The following MPC1 variants were observed in gnomAD, a reference collection of about 807,000 sequenced individuals.
The protein encoded by MPC1 is HSPC040 protein.
In MPC1, 6 loss-of-function variants were observed where a neutral mutation model predicts 13.9. That is an observed-to-expected ratio of 0.43 (90% CI 0.24 to 0.85). The LOEUF is 0.85. MPC1 is among the 40% of genes least tolerant of loss of function. The pLI is 0.24. For synonymous variants in MPC1, 47 were observed against 50.5 expected (o/e 0.93, Z 0.29); for missense variants, 115 against 143.3 (o/e 0.80, Z 1.01).
At chr6:166,373,042 A>T (rs951772407) in intron 1 of MPC1, among the ~76,000 whole-genome samples, 1 of 152,162 alleles carries the variant, frequency 6.6e-6, no homozygotes, top group African/African-American at 2.4e-5. Flanking sequence ...GAACCAAAGT[A>T]CAGAAACCTT....
intron 2 of MPC1, among the ~76,000 whole-genome samples, chr6:166,368,421 G>A (rs545445934): frequency 2.0e-5 from 3 of 152,156 alleles, no homozygotes; most frequent in African/African-American, 7.2e-5. Flanking sequence ...CCAGCGTGGT[G>A]GCAGGTGACT....
At chr6:166,382,684 C>T (rs1399422218) in intron 1 of MPC1, 122 bp downstream of exon 1, 9 of 1,039,826 alleles carry the variant, frequency 8.7e-6, no homozygotes, top group Non-Finnish European at 1.2e-5. Context: ...TCGCCTGGGC[C>T]CCGGCCCACC....
intron 1 of MPC1, among the ~76,000 whole-genome samples, chr6:166,371,830 T>C (rs1238267498): frequency 6.6e-6 from 1 of 152,144 alleles, no homozygotes; most frequent in Non-Finnish European, 1.5e-5. Flanking sequence ...AATAATAAAA[T>C]AGAATAATTA....
rs1779325780 is a variant in MPC1, at chr6:166,370,209, T to C, written c.75+9A>G. 1 of 780,490 alleles carries C rather than the reference T, an allele frequency of 1.3e-6. No individual in the cohort carries two copies. Among genetic ancestry groups the C allele is most frequent in the Non-Finnish European group, 2.4e-6 (1 of 417,932 alleles). The allele number at this position is 780,490 out of a possible 1,614,324, so 48.3% of individuals were successfully genotyped here. A position where few individuals can be genotyped will look rare whatever the true frequency, so the allele number is the denominator to read the frequency against. ...AAAAGCCTGAAATGGATGGAAATAA[T>C]TTTCTTACCGTACTATTTTGTGAAG... On this transcript the variant is annotated intron_variant, in intron 2 of 4. Coordinates refer to ENST00000360961, the MANE Select transcript of MPC1 (RefSeq NM_016098.4).
intron 2 of MPC1, chr6:166,368,721 T>C (rs1779265031): frequency 1.0e-6 from 1 of 978,912 alleles, no homozygotes; most frequent in African/African-American, 1.7e-5. Context: ...TATCTCTCCC[T>C]TACCTACTTA....
At chr6:166,382,424 C>T (rs1779828708) in intron 1 of MPC1, among the ~76,000 whole-genome samples, 1 of 150,736 alleles carries the variant, frequency 6.6e-6, no homozygotes, top group South Asian at 2.1e-4. Flanking sequence ...GACTCAATGT[C>T]ACCCCTGCCT....
At chr6:166,381,949 G>T in intron 1 of MPC1, 1 of 383,710 alleles carries the variant, frequency 2.6e-6, no homozygotes, top group Non-Finnish European at 3.6e-6. Context: ...CGCACCCGAA[G>T]CTCCGCTCCA....
At chr6:166,368,059 G>A (rs1779227167) in intron 2 of MPC1, among the ~76,000 whole-genome samples, 2 of 152,210 alleles carry the variant, frequency 1.3e-5, no homozygotes. Context: ...GGTTTAACAT[G>A]TGAGTTATAA....
chr6:166,377,411 C>T (rs899638484), intron 1 of MPC1, among the ~76,000 whole-genome samples: 3 of 152,080 alleles, frequency 2.0e-5, no homozygotes, highest in African/African-American at 7.2e-5. Context: ...CAGGCTGAAC[C>T]AGGAGGAGAT....
intron 1 of MPC1, among the ~76,000 whole-genome samples, chr6:166,378,259 T>C (rs1779640346): frequency 6.6e-6 from 1 of 152,242 alleles, no homozygotes. Context: ...ACTCAGAAGT[T>C]AAAATTAATT....
chr6:166,368,877 C>A, intron 2 of MPC1: 1 of 985,610 alleles, frequency 1.0e-6, no homozygotes, highest in Non-Finnish European at 1.2e-6. Flanking sequence ...TACTCTCTTG[C>A]CACTCCTCTG....
At chr6:166,381,919 T>G in intron 1 of MPC1, 1 of 685,518 alleles carries the variant, frequency 1.5e-6, no homozygotes, top group Non-Finnish European at 1.8e-6. Flanking sequence ...TTATTTCCGC[T>G]GTCCCAGAAG....
At chr6:166,380,059 A>G (rs537144063) in intron 1 of MPC1, among the ~76,000 whole-genome samples, 3 of 152,376 alleles carry the variant, frequency 2.0e-5, no homozygotes, top group African/African-American at 7.2e-5. Flanking sequence ...AGATCAGCTG[A>G]ATGTTTCACA....
intron 1 of MPC1, among the ~76,000 whole-genome samples, chr6:166,382,498 C>T (rs1546855): frequency 0.63 from 92,967 of 146,668 alleles, 31,477 homozygotes; most frequent in East Asian, 0.95. Flanking sequence ...CCCTGAGGAG[C>T]GCCCACTGTC....
Position 166,365,463 on chromosome 6 carries a change from A to C in MPC1, c.306-10T>G. 1 of 1,573,110 alleles carries C rather than the reference A, an allele frequency of 6.4e-7. No homozygotes were observed. The highest frequency in any genetic ancestry group is 8.6e-7 in the Non-Finnish European group (1 of 1,158,374). On this transcript the variant is annotated splice_polypyrimidine_tract_variant and intron_variant, in intron 4 of 4. Coordinates refer to ENST00000360961, the MANE Select transcript of MPC1 (RefSeq NM_016098.4). The surrounding 1 kb of genome is among the most constrained non-coding windows in gnomAD (Gnocchi z 4.2). The stretch of plus-strand genomic sequence containing the variant: ...TGCCGTTTTAGTCATCCTGGAAAGA[A>C]ACAAAAAGAAAAATTCAATGAGAAA...
chr6:166,376,024 C>G (rs1779557099), intron 1 of MPC1, among the ~76,000 whole-genome samples: 2 of 152,126 alleles, frequency 1.3e-5, no homozygotes, highest in Admixed American at 1.3e-4. Context: ...TCTTGCAATT[C>G]TATCAGTTTT....
intron 2 of MPC1, chr6:166,369,027 G>A: frequency 1.3e-5 from 10 of 759,390 alleles, no homozygotes; most frequent in Non-Finnish European, 1.6e-5. Flanking sequence ...TTTCATAGGT[G>A]GGGCTAAAGC....
intron 2 of MPC1, chr6:166,368,778 A>G: frequency 1.0e-6 from 1 of 984,708 alleles, no homozygotes; most frequent in Non-Finnish European, 1.2e-6. Context: ...TCATTTTTCA[A>G]CTCTCTATTA....
chr6:166,365,384 C>G lies in MPC1; in HGVS notation c.*45G>C. On this transcript the variant is annotated 3_prime_UTR_variant, in exon 5 of 5. Transcript: ENST00000360961. The surrounding 1 kb of genome is among the most constrained non-coding windows in gnomAD (Gnocchi z 4.2). The stretch of plus-strand genomic sequence containing the variant: ...AATGAAATCTGTGACTCAGCAGCAG[C>G]TGGCAATGCTGTCCCTTCAAGACCT... 1 of 1,475,920 alleles carries G rather than the reference C, an allele frequency of 6.8e-7. No individual in the cohort carries two copies. Among genetic ancestry groups the G allele is most frequent in the African/African-American group, 1.4e-5 (1 of 69,690 alleles). 91.4% of individuals were successfully genotyped at this position (1,475,920 alleles called of 1,614,324 possible).
Sources: allele counts gnomAD v4.1 joint callset (sites outside exome capture counted in the v4.1 genomes callset), GRCh38; gene constraint gnomAD v4.1.1; non-coding constraint Gnocchi (gnomAD v3.1); transcripts MANE v1.5; gene names NCBI Gene and HGNC (gene_info 2026-07-23, HGNC 2026-07-21).